The following TMEM144 variants were observed in gnomAD, a reference collection of about 807,000 sequenced individuals.
TMEM144 encodes the protein transmembrane protein 144.
TMEM144 carries 39 observed loss-of-function variants against 43.6 expected under a neutral mutation model. The ratio of observed to expected loss-of-function variants is 0.90; its 90% CI spans 0.69 to 1.17. The LOEUF (loss-of-function observed/expected upper bound fraction) is 1.17. Among genes scored for constraint, TMEM144 ranks in the 50% most tolerant of loss-of-function variants. The pLI is 0.00. For missense variants in TMEM144, 417 were observed against 411.9 expected, an observed-to-expected ratio of 1.01 and a Z score of -0.11; for synonymous variants, 154 against 133.6, an observed-to-expected ratio of 1.15 and a Z score of -1.06.
intron 6 of TMEM144, among the ~76,000 whole-genome samples, chr4:158,231,231 G>C (rs997525264): frequency 2.0e-5 from 3 of 152,158 alleles, no homozygotes; most frequent in African/African-American, 7.2e-5. Flanking sequence ...GGCTGGTTTT[G>C]AGGAAGAGGG....
At chr4:158,247,342 A>G (rs184144250) in intron 12 of TMEM144, among the ~76,000 whole-genome samples, 143 of 152,182 alleles carry the variant, frequency 9.4e-4, no homozygotes, top group Non-Finnish European at 1.4e-3. Context: ...TATTTCCTAT[A>G]GATCTAGCTA....
chr4:158,237,587 A>G lies in TMEM144; in HGVS notation c.626A>G (p.Tyr209Cys). Residue 209 changes from tyrosine (Y) to cysteine (C), a missense_variant, in exon 9 of 13, where the codon TAC becomes TGC. Coordinates refer to ENST00000296529, the MANE Select transcript of TMEM144 (RefSeq NM_018342.5). ...GGATCTACATTTGTGCCAATCATCT[A>G]CATCAAGGACCACAGCAAAAGAAAT... The part of the protein sequence containing the change: ...LYGSTFVPII[Y>C]IKDHSKRNDS... The G allele has an allele frequency of 6.2e-7, 1 of 1,614,042 alleles. No individual in the cohort carries two copies. Among genetic ancestry groups the G allele is most frequent in the Non-Finnish European group, 8.5e-7 (1 of 1,179,934 alleles).
intron 5 of TMEM144, among the ~76,000 whole-genome samples, chr4:158,218,302 G>A (rs1195012614): frequency 1.3e-5 from 2 of 152,116 alleles, no homozygotes; most frequent in African/African-American, 4.8e-5. Context: ...TATCAGACTG[G>A]TGCCCTTGGT....
intron 6 of TMEM144, among the ~76,000 whole-genome samples, chr4:158,222,729 A>G (rs1001359544): frequency 6.6e-6 from 1 of 152,222 alleles, no homozygotes; most frequent in Non-Finnish European, 1.5e-5. Flanking sequence ...CACATAATTG[A>G]TGCTTAGTAA....
intron 6 of TMEM144, among the ~76,000 whole-genome samples, chr4:158,230,429 G>C (rs548821835): frequency 6.6e-6 from 1 of 152,088 alleles, no homozygotes; most frequent in African/African-American, 2.4e-5. Context: ...TGTCCATCTT[G>C]GTCCCACCCA....
rs555034750 is a variant in TMEM144 at position 158,241,615 on chromosome 4, C to G, written c.900+9C>G. ...TTCCAATAATCACTGCTGTAAGTAGCTGAACTGGTTTTCCTAATTTTCATT... is the reference window on the plus strand; with the variant it reads ...TTCCAATAATCACTGCTGTAAGTAGGTGAACTGGTTTTCCTAATTTTCATT... On this transcript the variant is annotated intron_variant, in intron 11 of 12. Coordinates refer to ENST00000296529, the MANE Select transcript of TMEM144 (RefSeq NM_018342.5). 4 of 1,610,212 alleles carry G rather than the reference C, an allele frequency of 2.5e-6. No individual in the cohort carries two copies. Among genetic ancestry groups the G allele is most frequent in the Non-Finnish European group, 3.4e-6 (4 of 1,176,926 alleles).
intron 6 of TMEM144, among the ~76,000 whole-genome samples, chr4:158,222,811 C>A (rs537348420): frequency 1.2e-4 from 19 of 152,238 alleles, no homozygotes; most frequent in African/African-American, 3.4e-4. Flanking sequence ...GTGTGATGTA[C>A]GGGATTGCAA....
Position 158,253,522 on chromosome 4 carries a change from A to G in TMEM144, c.1033A>G (p.Ile345Val). 3.1e-6 allele frequency: 5 copies of G among 1,613,520 alleles called. No individual in the cohort carries two copies. The highest frequency in any genetic ancestry group is 4.2e-6 in the Non-Finnish European group (5 of 1,179,624). The change falls in exon 13 of 13, where the codon ATC becomes GTC. Residue 345 changes from isoleucine (I) to valine (V), a missense_variant. Transcript: ENST00000296529. ...TGALCTAFSK[I>V] ...AGCCTTATGCACTGCTTTTTCTAAA[A>G]TCTAACAATGACAAAACCAGCAGGT...
At chr4:158,218,383 C>T (rs1434679880) in intron 5 of TMEM144, among the ~76,000 whole-genome samples, 2 of 152,040 alleles carry the variant, frequency 1.3e-5, no homozygotes, top group Admixed American at 6.5e-5. Context: ...TCTCACTTTA[C>T]CTTTTGGACT....
chr4:158,223,441 T>G (rs1029783847), intron 6 of TMEM144, among the ~76,000 whole-genome samples: 1 of 152,182 alleles, frequency 6.6e-6, no homozygotes, highest in Non-Finnish European at 1.5e-5. Flanking sequence ...ATTTATTCAT[T>G]TATTTTTTTT....
chr4:158,238,221 A>G (rs1383432814), intron 9 of TMEM144, among the ~76,000 whole-genome samples: 2 of 152,232 alleles, frequency 1.3e-5, no homozygotes, highest in African/African-American at 4.8e-5. Flanking sequence ...AATTATGTTG[A>G]AGCATGGCTT....
At chr4:158,231,650 A>G (rs1560830097) in intron 6 of TMEM144, among the ~76,000 whole-genome samples, 1 of 152,086 alleles carries the variant, frequency 6.6e-6, no homozygotes, top group Non-Finnish European at 1.5e-5. Context: ...GACAGGACAA[A>G]GAGTATCTAG....
intron 5 of TMEM144, 102 bp downstream of exon 5, chr4:158,217,522 G>GA: frequency 2.4e-6 from 2 of 844,938 alleles, no homozygotes; most frequent in Non-Finnish European, 1.9e-6. Flanking sequence ...TATTCTCACA[G>GA]AGTTTATAGC....
intron 10 of TMEM144, 120 bp downstream of exon 10, chr4:158,240,538 TGTTG>T: frequency 1.8e-6 from 2 of 1,096,104 alleles, no homozygotes; most frequent in Non-Finnish European, 1.3e-6. Context: ...GGTGTGTGTG[TGTTG>T]TGTGTGTGTG....
intron 6 of TMEM144, among the ~76,000 whole-genome samples, chr4:158,223,426 T>C (rs2111113633): frequency 6.6e-6 from 1 of 152,298 alleles, no homozygotes; most frequent in Middle Eastern, 3.4e-3. Context: ...AGTGTCCTTT[T>C]ATTTATTTAT....
In TMEM144 at chr4:158,212,717, T is replaced by C. The variant is rs756335005; in HGVS notation, c.50T>C (p.Val17Ala). 2 of 1,613,892 alleles carry C rather than the reference T, an allele frequency of 1.2e-6. No individual in the cohort carries two copies. The highest frequency in any genetic ancestry group is 2.2e-5 in the South Asian group (2 of 91,046). ...DLTFGYISCF[V>A]AILLFGSNFV... is the part of the protein sequence containing the mutation. ...ACCTTTGGTTACATCTCCTGTTTTG[T>C]AGCTATCCTTTTGTTTGGCTCAAAT... The change falls in exon 3 of 13, where the codon GTA becomes GCA. Residue 17 changes from valine (V) to alanine (A), a missense_variant. By Grantham distance (64) the Val-to-Ala change is moderately conservative (BLOSUM62 0). Coordinates refer to ENST00000296529, the MANE Select transcript of TMEM144 (RefSeq NM_018342.5).
chr4:158,241,186 C>T (rs1560837624), intron 10 of TMEM144, among the ~76,000 whole-genome samples: 3 of 151,652 alleles, frequency 2.0e-5, no homozygotes, highest in Admixed American at 6.6e-5. Context: ...CTATGGTTTA[C>T]GGTAAATGGT....
intron 5 of TMEM144, among the ~76,000 whole-genome samples, chr4:158,217,715 G>A (rs1398989598): frequency 6.6e-6 from 1 of 152,176 alleles, no homozygotes; most frequent in Non-Finnish European, 1.5e-5. Flanking sequence ...TGCTGGACAT[G>A]TTCTATGCAT....
At chr4:158,244,932 G>C (rs1225958416) in intron 12 of TMEM144, among the ~76,000 whole-genome samples, 1 of 152,174 alleles carries the variant, frequency 6.6e-6, no homozygotes, top group East Asian at 1.9e-4. Flanking sequence ...TCCCTGAAGT[G>C]ATTTTAAATA....
Sources: gnomAD v4.1 joint callset for allele counts (sites outside exome capture counted in the v4.1 genomes callset) on GRCh38, gnomAD v4.1.1 for gene constraint, MANE v1.5 for transcripts, NCBI Gene and HGNC (gene_info 2026-07-23, HGNC 2026-07-21) for gene names.